Variants in DYNC2H1 observed in about 807,000 individuals in gnomAD.
DYNC2H1 encodes dynein cytoplasmic 2 heavy chain 1.
Under a neutral mutation model 570.0 loss-of-function variants are expected in DYNC2H1, and 410 were observed. The ratio of observed to expected loss-of-function variants is 0.72; its 90% CI spans 0.66 to 0.78. The LOEUF (loss-of-function observed/expected upper bound fraction) is 0.78. Ranked by LOEUF, DYNC2H1 falls within the 30% of genes least tolerant of loss-of-function variation. The pLI is 0.00. For missense variants in DYNC2H1, 4,865 were observed against 5,046.4 expected (o/e 0.96, Z 1.09); for synonymous variants, 1,688 against 1,677.6 (o/e 1.01, Z -0.15).
At chr11:103,394,161 C>T (rs1942292901) in intron 83 of DYNC2H1, among the ~76,000 whole-genome samples, 1 of 152,130 alleles carries the variant, frequency 6.6e-6, no homozygotes, top group Non-Finnish European at 1.5e-5. Context: ...GTATTTATTA[C>T]TTACTTTCCC....
intron 28 of DYNC2H1, among the ~76,000 whole-genome samples, chr11:103,159,893 G>A (rs1017928730): frequency 7.9e-5 from 12 of 152,132 alleles, no homozygotes; most frequent in South Asian, 4.2e-4. Flanking sequence ...AATCCTGCAC[G>A]GTAGTTTATG....
intron 38 of DYNC2H1, 38 bp from the exon 39 acceptor site, chr11:103,178,988 A>G (rs376962775): frequency 2.4e-5 from 37 of 1,562,022 alleles, no homozygotes; most frequent in Non-Finnish European, 3.0e-5. Flanking sequence ...CACTGCATAT[A>G]TTTTTATTTT....
chr11:103,366,520 T>C (rs1255814555), intron 83 of DYNC2H1, among the ~76,000 whole-genome samples: 1 of 152,200 alleles, frequency 6.6e-6, no homozygotes, highest in Non-Finnish European at 1.5e-5. Flanking sequence ...GGTAAGATAA[T>C]ATAAAATGTT....
In DYNC2H1 at chr11:103,186,220, A is replaced by G. The variant is rs1862061471; in HGVS notation, c.6634-22A>G. On this transcript the variant is annotated intron_variant, in intron 41 of 88. Coordinates refer to ENST00000375735, the MANE Select transcript of DYNC2H1 (RefSeq NM_001377.3). The surrounding 1 kb of genome is among the most constrained non-coding windows in gnomAD (Gnocchi z 4.5). ...CACACTCTGGAGTATGTGAAAACTT[A>G]TCACAATTTTTTCCTCTTAAGGTTT... 1.9e-6 allele frequency: 3 copies of G among 1,598,774 alleles called. No homozygotes were observed. The highest frequency in any genetic ancestry group is 4.5e-5 in the East Asian group (2 of 44,520).
At chr11:103,215,118 CT>C (rs757054491) in intron 54 of DYNC2H1, among the ~76,000 whole-genome samples, 1 of 152,094 alleles carries the variant, frequency 6.6e-6, no homozygotes, top group Non-Finnish European at 1.5e-5. Flanking sequence ...TTGACTTCCT[CT>C]TTTCCAATTT....
chr11:103,411,033 G>A (rs185331208), intron 84 of DYNC2H1, among the ~76,000 whole-genome samples: 6 of 151,460 alleles, frequency 4.0e-5, no homozygotes, highest in African/African-American at 1.4e-4. Flanking sequence ...CATGTGTAAA[G>A]ACCAGGACCA....
intron 34 of DYNC2H1, among the ~76,000 whole-genome samples, chr11:103,171,531 C>G (rs1236101108): frequency 1.3e-5 from 2 of 152,174 alleles, no homozygotes; most frequent in Non-Finnish European, 2.9e-5. Context: ...GCTGGGATTA[C>G]TGGTGTGAGC....
chr11:103,388,592 G>A (rs949659672), intron 83 of DYNC2H1, among the ~76,000 whole-genome samples: 1 of 152,202 alleles, frequency 6.6e-6, no homozygotes, highest in African/African-American at 2.4e-5. Flanking sequence ...AGTTTTCAAA[G>A]GGAATGCTTC....
intron 66 of DYNC2H1, among the ~76,000 whole-genome samples, 184 bp downstream of exon 66, chr11:103,253,632 G>A (rs1300954897): frequency 6.6e-6 from 1 of 152,098 alleles, no homozygotes. Flanking sequence ...TATTAGACCT[G>A]TACATTTGAT....
chr11:103,327,171 T>A (rs1374779129), intron 82 of DYNC2H1, among the ~76,000 whole-genome samples: 1 of 151,968 alleles, frequency 6.6e-6, no homozygotes, highest in African/African-American at 2.4e-5. Context: ...CTCCATCCAC[T>A]CTCGGTAGTG....
At chr11:103,381,407 T>A (rs896689202) in intron 83 of DYNC2H1, among the ~76,000 whole-genome samples, 1 of 152,204 alleles carries the variant, frequency 6.6e-6, no homozygotes, top group African/African-American at 2.4e-5. Flanking sequence ...GTAGTGTTTG[T>A]GACATTGCCA....
intron 82 of DYNC2H1, among the ~76,000 whole-genome samples, chr11:103,349,942 G>A (rs966607136): frequency 1.3e-5 from 2 of 151,966 alleles, no homozygotes; most frequent in African/African-American, 4.8e-5. Flanking sequence ...AAGTTTTCCC[G>A]CCTCCCCCTT....
intron 84 of DYNC2H1, among the ~76,000 whole-genome samples, chr11:103,415,981 G>A (rs1943266605): frequency 6.6e-6 from 1 of 152,202 alleles, no homozygotes; most frequent in Non-Finnish European, 1.5e-5. Context: ...TAAAAAGGAT[G>A]AGTTCATGTC....
intron 21 of DYNC2H1, 112 bp downstream of exon 21, chr11:103,152,397 T>G: frequency 2.0e-6 from 2 of 1,000,372 alleles, no homozygotes; most frequent in Non-Finnish European, 2.8e-6. Context: ...ATGTGGCTGT[T>G]GAAATTGACC....
chr11:103,220,111 AGTT>A, intron 56 of DYNC2H1, 83 bp downstream of exon 56: 1 of 763,928 alleles, frequency 1.3e-6, no homozygotes, highest in East Asian at 3.5e-5. Flanking sequence ...TTGTAACTCA[AGTT>A]GTTTTCTCAT....
At chr11:103,445,946 G>C (rs34645150) in intron 85 of DYNC2H1, among the ~76,000 whole-genome samples, 53,536 of 151,708 alleles carry the variant, frequency 0.35, 9,968 homozygotes, top group African/African-American at 0.47. Context: ...GCCACCGTGC[G>C]CGGCCCTTGA....
chr11:103,387,427 A>T (rs892282583), intron 83 of DYNC2H1, among the ~76,000 whole-genome samples: 7 of 152,318 alleles, frequency 4.6e-5, no homozygotes, highest in African/African-American at 1.4e-4. Context: ...GTAGATTGCA[A>T]AAATTTTCTC....
At chr11:103,458,675 A>T (rs1205838435) in intron 87 of DYNC2H1, among the ~76,000 whole-genome samples, 5 of 33,610 alleles carry the variant, frequency 1.5e-4, no homozygotes, top group African/African-American at 1.3e-3. Context: ...TTTCCTGTTA[A>T]AAATCCATTA....
Position 103,153,612 on chromosome 11 carries a change from A to G in DYNC2H1, c.3302+104A>G. On this transcript the variant is annotated intron_variant, in intron 22 of 88. Transcript: ENST00000375735. Reference sequence around the variant, plus strand: ...TGTTATCTTGATAACTTTCCTCATAAACTTCATCACTTTTTAAACTACAAA... The same window carrying G: ...TGTTATCTTGATAACTTTCCTCATAGACTTCATCACTTTTTAAACTACAAA... The G allele has an allele frequency of 3.9e-6, 4 of 1,031,834 alleles. No individual in the cohort carries two copies. The Admixed American group carries it at 1.1e-4, about 29-fold the overall frequency. The allele number at this position is 1,031,834 out of a possible 1,614,324, so 63.9% of individuals were successfully genotyped here.
Sources: gnomAD v4.1 joint callset for allele counts (sites outside exome capture counted in the v4.1 genomes callset) on GRCh38, gnomAD v4.1.1 for gene constraint, Gnocchi (gnomAD v3.1) non-coding constraint, MANE v1.5 for transcripts, NCBI Gene and HGNC (gene_info 2026-07-23, HGNC 2026-07-21) for gene names.